Variants in MEI4 observed in about 807,000 individuals in gnomAD.
The protein encoded by MEI4 is meiosis-specific protein MEI4.
MEI4 carries 27 observed loss-of-function variants against 31.4 expected under a neutral mutation model. The observed-to-expected ratio is 0.86, with a 90% CI of 0.63 to 1.19. MEI4 has a LOEUF of 1.19. MEI4 is among the 50% of genes most tolerant of loss of function. MEI4 has a pLI of 0.00. For synonymous variants in MEI4, 122 were observed against 145.4 expected (o/e 0.84, Z 1.16); for missense variants, 329 against 398.9 (o/e 0.82, Z 1.49).
At chr6:77,674,519 T>A (rs921954210) in intron 1 of MEI4, among the ~76,000 whole-genome samples, 4 of 152,208 alleles carry the variant, frequency 2.6e-5, no homozygotes. Context: ...AAGTATTCAA[T>A]GCAGTAACAT....
In MEI4 at chr6:77,868,275, A is replaced by G. The variant is rs116709610; in HGVS notation, c.900+39213A>G. Among the ~76,000 whole-genome samples the G allele has an allele frequency of 9.2e-3, 1,384 of 151,076 alleles. 17 individuals carry two copies. Among genetic ancestry groups the G allele is most frequent in the African/African-American group, 0.031 (1,285 of 41,180 alleles). On this transcript the variant is annotated intron_variant, in intron 4 of 4. Coordinates refer to ENST00000684080, the MANE Select transcript of MEI4 (RefSeq NM_001322247.2). ...AATGCCAACAGCAAGAAAGATAAGGAATTGATGATTAGAGGTAGCATTATT... is the reference window on the plus strand; with the variant it reads ...AATGCCAACAGCAAGAAAGATAAGGGATTGATGATTAGAGGTAGCATTATT...
chr6:77,753,032 G>A (rs1344481760), intron 2 of MEI4, among the ~76,000 whole-genome samples: 2 of 152,154 alleles, frequency 1.3e-5, no homozygotes, highest in Non-Finnish European at 2.9e-5. Context: ...ATGGTTTTGG[G>A]AAAACTGGCT....
intron 4 of MEI4, among the ~76,000 whole-genome samples, chr6:77,866,683 A>G (rs2127723467): frequency 6.6e-6 from 1 of 152,218 alleles, no homozygotes; most frequent in East Asian, 1.9e-4. Context: ...TGCCATCCCC[A>G]TCAAGCTACC....
intron 4 of MEI4, among the ~76,000 whole-genome samples, chr6:77,868,499 C>CTACATATATATATATATA (rs1360846675): frequency 1.6e-5 from 1 of 61,730 alleles, no homozygotes; most frequent in Admixed American, 2.0e-4. Context: ...GTAAAAAATA[C>CTACATATATATATATATA]TACATATATA....
At chr6:77,887,294 T>C (rs943338512) in intron 4 of MEI4, among the ~76,000 whole-genome samples, 29 of 152,052 alleles carry the variant, frequency 1.9e-4, no homozygotes, top group African/African-American at 6.5e-4. Flanking sequence ...TTTCTTTTCT[T>C]TTTTATTCTT....
At chr6:77,861,014 T>C (rs1224554898) in intron 4 of MEI4, among the ~76,000 whole-genome samples, 2 of 152,216 alleles carry the variant, frequency 1.3e-5, no homozygotes, top group Non-Finnish European at 2.9e-5. Flanking sequence ...CAGTATCACC[T>C]TCTCAGAGAG....
At chr6:77,803,507 G>A (rs913975426) in intron 3 of MEI4, among the ~76,000 whole-genome samples, 21 of 152,176 alleles carry the variant, frequency 1.4e-4, no homozygotes, top group African/African-American at 4.8e-4. Flanking sequence ...TTATTCTGTT[G>A]CTGGTGAGGA....
intron 3 of MEI4, among the ~76,000 whole-genome samples, chr6:77,781,172 A>T (rs940092615): frequency 6.6e-6 from 1 of 152,156 alleles, no homozygotes; most frequent in Admixed American, 6.5e-5. Context: ...TGCTGGAATC[A>T]TAGGTTTAAG....
In MEI4 at chr6:77,918,053, G is replaced by A. The variant is rs552549239; in HGVS notation, c.901-5036G>A. ...CTTTCCCCATTGCTTGTTTTTCTCA[G>A]GTTTGTCAAAGATCAGATAGTTGTA... is the stretch of plus-strand genomic sequence containing the variant. On this transcript the variant is annotated intron_variant, in intron 4 of 4. Coordinates refer to ENST00000684080, the MANE Select transcript of MEI4 (RefSeq NM_001322247.2). 4.0e-5 allele frequency among the ~76,000 whole-genome samples: 6 copies of A among 151,296 alleles called. No individual in the cohort carries two copies. The South Asian group carries it at 1.3e-3, about 32-fold the overall frequency.
At chr6:77,767,572 C>G (rs761056022) in intron 3 of MEI4, among the ~76,000 whole-genome samples, 20 of 151,718 alleles carry the variant, frequency 1.3e-4, no homozygotes, top group Non-Finnish European at 2.6e-4. Flanking sequence ...TCTTGCACAC[C>G]TGTAGTCCCA....
intron 3 of MEI4, among the ~76,000 whole-genome samples, chr6:77,773,973 A>G (rs138893411): frequency 4.0e-4 from 61 of 152,188 alleles, no homozygotes; most frequent in Non-Finnish European, 7.5e-4. Flanking sequence ...ATGTAATCTT[A>G]CCCCAATTAA....
intron 3 of MEI4, among the ~76,000 whole-genome samples, chr6:77,810,512 C>G (rs1397259436): frequency 6.6e-6 from 1 of 151,988 alleles, no homozygotes; most frequent in Non-Finnish European, 1.5e-5. Flanking sequence ...CTGCCCGGTG[C>G]CAGAAAACAA....
chr6:77,821,871 G>C (rs1196071181), intron 3 of MEI4, among the ~76,000 whole-genome samples: 1 of 143,130 alleles, frequency 7.0e-6, no homozygotes, highest in Non-Finnish European at 1.5e-5. Flanking sequence ...GGGGTGATTT[G>C]TGCTGGCACA....
intron 4 of MEI4, among the ~76,000 whole-genome samples, chr6:77,903,171 C>T (rs984173546): frequency 6.0e-5 from 9 of 151,034 alleles, no homozygotes; most frequent in African/African-American, 9.7e-5. Flanking sequence ...CTTTTTTGAC[C>T]AACTGCTCTG....
intron 4 of MEI4, among the ~76,000 whole-genome samples, chr6:77,899,148 A>G (rs1221114069): frequency 6.6e-6 from 1 of 152,090 alleles, no homozygotes; most frequent in Non-Finnish European, 1.5e-5. Context: ...TGAAACGTGC[A>G]TATGAACATA....
chr6:77,744,181 AG>A (rs1433858142), intron 2 of MEI4, among the ~76,000 whole-genome samples: 1 of 152,212 alleles, frequency 6.6e-6, no homozygotes, highest in Admixed American at 6.5e-5. Flanking sequence ...GAGCTACAGG[AG>A]GAAATTCAAA....
chr6:77,726,821 A>G (rs1455277619), intron 2 of MEI4, among the ~76,000 whole-genome samples: 2 of 51,772 alleles, frequency 3.9e-5, no homozygotes, highest in Non-Finnish European at 7.2e-5. Context: ...GCATTTTGTA[A>G]CAGACAAAAA....
intron 3 of MEI4, among the ~76,000 whole-genome samples, chr6:77,821,799 C>CAAA (rs34905460): frequency 3.8e-4 from 35 of 93,014 alleles, no homozygotes; most frequent in East Asian, 9.2e-4. Flanking sequence ...GCCATCTCTC[C>CAAA]AAAAAAAAAA....
At chr6:77,801,467 T>A (rs997845505) in intron 3 of MEI4, among the ~76,000 whole-genome samples, 1 of 152,082 alleles carries the variant, frequency 6.6e-6, no homozygotes, top group South Asian at 2.1e-4. Flanking sequence ...TTTTGAAGGG[T>A]TTTTTGTGTC....
Sources: allele counts gnomAD v4.1 joint callset (sites outside exome capture counted in the v4.1 genomes callset), GRCh38; gene constraint gnomAD v4.1.1; transcripts MANE v1.5; gene names NCBI Gene and HGNC (gene_info 2026-07-23, HGNC 2026-07-21).